The following PTPRR variants were observed in gnomAD, a reference collection of about 807,000 sequenced individuals.
PTPRR encodes the protein receptor-type tyrosine-protein phosphatase R.
Under a neutral mutation model 77.2 loss-of-function variants are expected in PTPRR, and 38 were observed. That is an observed-to-expected ratio of 0.49 (90% CI 0.38 to 0.65). The LOEUF (loss-of-function observed/expected upper bound fraction) is 0.65, where lower values mean the gene tolerates loss of function less well. PTPRR is among the 30% of genes least tolerant of loss of function. The pLI is 0.00. For missense variants in PTPRR, 744 were observed against 799.2 expected (o/e 0.93, Z 0.83); for synonymous variants, 299 against 283.1 (o/e 1.06, Z -0.57).
At chr12:70,765,457 G>A (rs566651068) in intron 2 of PTPRR, among the ~76,000 whole-genome samples, 1 of 152,186 alleles carries the variant, frequency 6.6e-6, no homozygotes, top group East Asian at 1.9e-4. Context: ...GAGGCTGGGG[G>A]AGGGGTGCCC....
intron 2 of PTPRR, chr12:70,788,964 T>A (rs1457956596): frequency 1.6e-6 from 2 of 1,267,804 alleles, no homozygotes; most frequent in African/African-American, 1.6e-5. Context: ...CACCTGGAGG[T>A]AACCGCCTGG....
chr12:70,867,166 C>T (rs1402303919), intron 2 of PTPRR, among the ~76,000 whole-genome samples: 1 of 151,162 alleles, frequency 6.6e-6, no homozygotes, highest in Non-Finnish European at 1.5e-5. Context: ...TCCTATTCAA[C>T]ATAGTGTTGG....
chr12:70,913,378 G>A (rs1246371224), intron 1 of PTPRR, among the ~76,000 whole-genome samples: 2 of 152,074 alleles, frequency 1.3e-5, no homozygotes, highest in African/African-American at 4.8e-5. Flanking sequence ...ATTTATTGAA[G>A]CCACTGTCTC....
chr12:70,766,739 A>T (rs1011454671), intron 2 of PTPRR, among the ~76,000 whole-genome samples: 2 of 152,076 alleles, frequency 1.3e-5, no homozygotes, highest in African/African-American at 4.8e-5. Flanking sequence ...GAAAAGAAGG[A>T]AAAAATGTTA....
At chr12:70,778,098 A>G (rs775979985) in intron 2 of PTPRR, among the ~76,000 whole-genome samples, 4 of 152,206 alleles carry the variant, frequency 2.6e-5, no homozygotes, top group Non-Finnish European at 5.9e-5. Context: ...GAGGCTCATG[A>G]GTGCTCTATT....
At chr12:70,897,580 T>C (rs1455747414) in intron 1 of PTPRR, among the ~76,000 whole-genome samples, 3 of 151,958 alleles carry the variant, frequency 2.0e-5, no homozygotes, top group African/African-American at 7.2e-5. Flanking sequence ...GTTCAACCAT[T>C]GTGGAAGTCA....
chr12:70,856,683 A>C (rs1892656760), intron 2 of PTPRR, among the ~76,000 whole-genome samples: 1 of 152,174 alleles, frequency 6.6e-6, no homozygotes, highest in Non-Finnish European at 1.5e-5. Flanking sequence ...ACAGGGCAGG[A>C]AATTATTAGT....
intron 4 of PTPRR, among the ~76,000 whole-genome samples, chr12:70,756,057 C>T (rs1022048082): frequency 1.3e-5 from 2 of 151,852 alleles, no homozygotes; most frequent in Admixed American, 1.3e-4. Flanking sequence ...GAGCTTAAGC[C>T]CATGTAAAAT....
intron 2 of PTPRR, among the ~76,000 whole-genome samples, chr12:70,815,514 A>G (rs1451627636): frequency 6.6e-6 from 1 of 152,170 alleles, no homozygotes; most frequent in African/African-American, 2.4e-5. Context: ...GATATACCGA[A>G]CGGTTTTAAA....
intron 2 of PTPRR, among the ~76,000 whole-genome samples, chr12:70,806,003 T>C (rs1891703638): frequency 1.3e-5 from 2 of 152,222 alleles, no homozygotes; most frequent in South Asian, 4.1e-4. Flanking sequence ...ATATGTAATA[T>C]ATAGACCTTT....
intron 2 of PTPRR, among the ~76,000 whole-genome samples, chr12:70,845,850 A>C (rs943236114): frequency 6.6e-6 from 1 of 152,168 alleles, no homozygotes; most frequent in Non-Finnish European, 1.5e-5. Flanking sequence ...GTTTTTCTAT[A>C]ATCTTCTGGA....
intron 2 of PTPRR, among the ~76,000 whole-genome samples, chr12:70,786,454 T>C (rs1891323380): frequency 1.3e-5 from 2 of 152,206 alleles, no homozygotes; most frequent in African/African-American, 4.8e-5. Context: ...TACAGGTCAT[T>C]GGAGCTTTAT....
At chr12:70,773,635 G>C (rs998407716) in intron 2 of PTPRR, among the ~76,000 whole-genome samples, 2 of 152,110 alleles carry the variant, frequency 1.3e-5, no homozygotes, top group African/African-American at 4.8e-5. Context: ...CATGAATCCA[G>C]ACACAATTTG....
intron 2 of PTPRR, among the ~76,000 whole-genome samples, chr12:70,809,173 G>A (rs1201540138): frequency 1.3e-5 from 2 of 152,170 alleles, no homozygotes; most frequent in East Asian, 1.9e-4. Flanking sequence ...TTATAAAAAA[G>A]ACAGGCAGTA....
chr12:70,781,859 C>T (rs1891210004), intron 2 of PTPRR, among the ~76,000 whole-genome samples: 1 of 152,112 alleles, frequency 6.6e-6, no homozygotes, highest in African/African-American at 2.4e-5. Flanking sequence ...CCTTCTTAAG[C>T]TCCCTGCATT....
chr12:70,910,891 A>T (rs1419771177), intron 1 of PTPRR, among the ~76,000 whole-genome samples: 1 of 152,214 alleles, frequency 6.6e-6, no homozygotes, highest in Non-Finnish European at 1.5e-5. Flanking sequence ...CTGGATTTGC[A>T]TAGAGAAGTG....
At chr12:70,640,327 C>T (rs536961515) in intron 13 of PTPRR, among the ~76,000 whole-genome samples, 1 of 151,570 alleles carries the variant, frequency 6.6e-6, no homozygotes, top group East Asian at 2.0e-4. Context: ...CACCACCACA[C>T]CTGGACAATT....
At chr12:70,710,981 GAC>G (rs1288239756) in intron 6 of PTPRR, among the ~76,000 whole-genome samples, 5 of 152,120 alleles carry the variant, frequency 3.3e-5, no homozygotes, top group Non-Finnish European at 7.4e-5. Context: ...CATTGTGAAA[GAC>G]ACGGTGGCAA....
chr12:70,792,439 A>G (rs990453469), intron 2 of PTPRR, among the ~76,000 whole-genome samples: 1 of 152,144 alleles, frequency 6.6e-6, no homozygotes, highest in African/African-American at 2.4e-5. Context: ...TCTGCTTAGT[A>G]TGGTTGTCTC....
Sources: allele counts gnomAD v4.1 joint callset (sites outside exome capture counted in the v4.1 genomes callset), GRCh38; gene constraint gnomAD v4.1.1; transcripts MANE v1.5; gene names NCBI Gene and HGNC (gene_info 2026-07-23, HGNC 2026-07-21).